GRIA2: variants seen among roughly 807,000 people sequenced by gnomAD.
GRIA2 encodes the protein glutamate ionotropic receptor AMPA type subunit 2.
Under a neutral mutation model 97.3 loss-of-function variants are expected in GRIA2, and 14 were observed. The observed-to-expected ratio is 0.14, with a 90% confidence interval of 0.10 to 0.23. GRIA2 has a LOEUF of 0.23. Ranked by LOEUF, GRIA2 falls within the 10% of genes least tolerant of loss-of-function variation. The probability of loss-of-function intolerance (pLI) is 1.00; values close to 1 mark genes in which losing one functional copy is unlikely to be tolerated. For missense variants in GRIA2, 558 were observed against 1,069.8 expected (o/e 0.52, Z 6.67); for synonymous variants, 412 against 387.8 (o/e 1.06, Z -0.73).
chr4:157,330,991 C>A (rs532611953), intron 6 of GRIA2, among the ~76,000 whole-genome samples: 142 of 151,908 alleles, frequency 9.3e-4, no homozygotes, highest in African/African-American at 3.3e-3. Flanking sequence ...ATTTAACTAT[C>A]CAATCAAAAA....
Position 157,303,583 on chromosome 4 carries a change from T to C in GRIA2, c.261T>C (p.Ala87=). The change falls in exon 3 of 16, where the codon GCT becomes GCC. Residue 87 remains alanine (A), a synonymous_variant. Coordinates refer to ENST00000264426, the MANE Select transcript of GRIA2 (RefSeq NM_001083619.3). ...CCCAGTTTTCGAGAGGAGTCTATGC[T>C]ATTTTTGGATTTTATGACAAGAAGT... ...FCSQFSRGVY[A]IFGFYDKKSV... 6.2e-7 allele frequency: 1 copy of C among 1,613,846 alleles called. No individual in the cohort carries two copies. The highest frequency in any genetic ancestry group is 8.5e-7 in the Non-Finnish European group (1 of 1,179,712).
chr4:157,229,700 A>G (rs1170612266), intron 2 of GRIA2, among the ~76,000 whole-genome samples: 1 of 152,182 alleles, frequency 6.6e-6, no homozygotes, highest in Non-Finnish European at 1.5e-5. Context: ...TATTTCAAAT[A>G]TAAACACAAA....
chr4:157,342,246 A>G, intron 12 of GRIA2: 1 of 983,740 alleles, frequency 1.0e-6, no homozygotes, highest in African/African-American at 1.7e-5. Context: ...TTTCAGTGAA[A>G]TCTAGTCCAG....
chr4:157,258,685 T>TA (rs1731390759), intron 2 of GRIA2, among the ~76,000 whole-genome samples: 2 of 152,082 alleles, frequency 1.3e-5, no homozygotes, highest in Admixed American at 1.3e-4. Context: ...AAATCACTAA[T>TA]AAAAACTTGC....
chr4:157,364,939 T>C lies in GRIA2; in HGVS notation c.*1508T>C, dbSNP rs564350324. ...AGCCTATATTTATCTAGTTAATGAATTTAAAGGATCTATCTTTCCCTTCAT... is the reference window on the plus strand; with the variant it reads ...AGCCTATATTTATCTAGTTAATGAACTTAAAGGATCTATCTTTCCCTTCAT... On this transcript the variant is annotated 3_prime_UTR_variant, in exon 16 of 16. Coordinates refer to ENST00000264426, the MANE Select transcript of GRIA2 (RefSeq NM_001083619.3). The C allele has an allele frequency of 6.6e-6, 1 of 151,782 alleles. No homozygotes were observed. The highest frequency in any genetic ancestry group is 1.5e-5 in the Non-Finnish European group (1 of 67,694). 9.4% of individuals were successfully genotyped at this position (151,782 alleles called of 1,614,324 possible).
At chr4:157,239,454 C>A (rs915634387) in intron 2 of GRIA2, among the ~76,000 whole-genome samples, 1 of 151,994 alleles carries the variant, frequency 6.6e-6, no homozygotes, top group Admixed American at 6.6e-5. Context: ...TGGAAAAGAA[C>A]TTGCCTCTGC....
In GRIA2 at chr4:157,324,777, TA is replaced by T. The variant is rs576520946; in HGVS notation, c.882+3179del. On this transcript the variant is annotated intron_variant, in intron 6 of 15. Transcript: ENST00000264426. ...AGTAACAAGAGCATGCTTTCATAAT[TA>T]TTTTTGCTTCCAGACAGAAGAGAGG... Among the ~76,000 whole-genome samples, 449 of 152,286 alleles carry T rather than the reference TA, an allele frequency of 2.9e-3. 4 individuals carry two copies. The highest frequency in any genetic ancestry group is 0.01 in the African/African-American group (423 of 41,568).
intron 12 of GRIA2, among the ~76,000 whole-genome samples, chr4:157,345,280 G>A (rs948446732): frequency 6.6e-6 from 1 of 151,794 alleles, no homozygotes; most frequent in African/African-American, 2.4e-5. Context: ...AGTAAATGGA[G>A]AACAATCTTG....
At chr4:157,233,348 C>G (rs1218715468) in intron 2 of GRIA2, among the ~76,000 whole-genome samples, 1 of 152,126 alleles carries the variant, frequency 6.6e-6, no homozygotes, top group African/African-American at 2.4e-5. Flanking sequence ...ATTTCAAACT[C>G]TCATATTTTT....
Position 157,220,925 on chromosome 4 carries a change from C to A in GRIA2, c.-118C>A. The A allele has an allele frequency of 1.5e-6, 1 of 688,866 alleles. No homozygotes were observed. Among genetic ancestry groups the A allele is most frequent in the Non-Finnish European group, 2.6e-6 (1 of 378,126 alleles). The allele number at this position is 688,866 out of a possible 1,614,324, so 42.7% of individuals were successfully genotyped here. A position where few individuals can be genotyped will look rare whatever the true frequency, so the allele number is the denominator to read the frequency against. On this transcript the variant is annotated 5_prime_UTR_variant, in exon 1 of 16. Transcript: ENST00000264426. Reference sequence around the variant, plus strand: ...CACTTCAGGTTTTAGCAGCTTGGTGCTAAATTGCTGTCTCAAAATGCAGAG... The same window carrying A: ...CACTTCAGGTTTTAGCAGCTTGGTGATAAATTGCTGTCTCAAAATGCAGAG...
At chr4:157,362,727 A>G (rs1736688233) in intron 14 of GRIA2, 72 bp from the exon 15 acceptor site, 8 of 1,260,794 alleles carry the variant, frequency 6.3e-6, no homozygotes, top group South Asian at 1.4e-5. Context: ...TGATAATGCT[A>G]TGTGACATTG....
intron 2 of GRIA2, among the ~76,000 whole-genome samples, chr4:157,270,834 G>A (rs1366431471): frequency 1.3e-5 from 2 of 151,980 alleles, no homozygotes; most frequent in Non-Finnish European, 2.9e-5. Context: ...CGTCTGTAGT[G>A]TAGTGAGAAG....
intron 2 of GRIA2, among the ~76,000 whole-genome samples, chr4:157,262,833 A>C (rs1731605964): frequency 6.6e-6 from 1 of 152,070 alleles, no homozygotes; most frequent in Non-Finnish European, 1.5e-5. Flanking sequence ...CTTCTTAGGG[A>C]AACCACTTTG....
chr4:157,315,182 A>G (rs1449095919), intron 4 of GRIA2, among the ~76,000 whole-genome samples: 1 of 152,194 alleles, frequency 6.6e-6, no homozygotes, highest in East Asian at 1.9e-4. Context: ...GCAATGTTAA[A>G]CAATAGGCCA....
At chr4:157,246,762 A>G (rs1214233004) in intron 2 of GRIA2, among the ~76,000 whole-genome samples, 2 of 152,098 alleles carry the variant, frequency 1.3e-5, no homozygotes, top group Non-Finnish European at 2.9e-5. Flanking sequence ...TTCACTTCTT[A>G]GAGTTGATTT....
chr4:157,333,651 G>T (rs1290051716), intron 8 of GRIA2, among the ~76,000 whole-genome samples: 1 of 151,988 alleles, frequency 6.6e-6, no homozygotes, highest in Non-Finnish European at 1.5e-5. Context: ...CAGTTCAGAA[G>T]ACAAAAAGTA....
chr4:157,279,491 ATAT>A (rs1732497383), intron 2 of GRIA2, among the ~76,000 whole-genome samples: 2 of 152,116 alleles, frequency 1.3e-5, no homozygotes, highest in African/African-American at 2.4e-5. Flanking sequence ...AAGTTGGGTG[ATAT>A]TATGTTTCAA....
chr4:157,339,243 A>G lies in GRIA2; in HGVS notation c.1845-2021A>G, dbSNP rs1454464231. On this transcript the variant is annotated intron_variant, in intron 11 of 15. Coordinates refer to ENST00000264426, the MANE Select transcript of GRIA2 (RefSeq NM_001083619.3). The stretch of plus-strand genomic sequence containing the variant: ...AGGAATCAAATGAATATAAAAACAT[A>G]TATCATTTAAAAAATGATTTAGTAG... Among the ~76,000 whole-genome samples the G allele has an allele frequency of 3.9e-5, 6 of 152,142 alleles. No homozygotes were observed. The South Asian group carries it at 8.3e-4, about 21-fold the overall frequency.
At position 157,312,787 on chromosome 4, in the gene GRIA2, G is replaced by C. The variant is rs750589917; in HGVS notation, c.578G>C (p.Arg193Pro). 1 of 1,609,652 alleles carries C rather than the reference G, an allele frequency of 6.2e-7. No homozygotes were observed. The highest frequency in any genetic ancestry group is 1.1e-5 in the South Asian group (1 of 90,828). Reference sequence around the variant, plus strand: ...AATGACAAGAAAGATGAGATGTACCGATCACTTTTTCAAGATCTGGAGTTA... The same window carrying C: ...AATGACAAGAAAGATGAGATGTACCCATCACTTTTTCAAGATCTGGAGTTA... ...INNDKKDEMY[R>P]SLFQDLELKK... Residue 193 changes from arginine (R) to proline (P), a missense_variant, in exon 4 of 16, where the codon CGA becomes CCA. Arg to Pro is a moderately radical substitution (Grantham distance 103). Coordinates refer to ENST00000264426, the MANE Select transcript of GRIA2 (RefSeq NM_001083619.3).
Sources: gnomAD v4.1 joint callset for allele counts (sites outside exome capture counted in the v4.1 genomes callset) on GRCh38, gnomAD v4.1.1 for gene constraint, MANE v1.5 for transcripts, NCBI Gene and HGNC (gene_info 2026-07-23, HGNC 2026-07-21) for gene names.